PLD5: variants seen among roughly 807,000 people sequenced by gnomAD.
PLD5 encodes phospholipase D family member 5, also known as inactive phospholipase D5.
PLD5 carries 36 observed loss-of-function variants against 61.1 expected under a neutral mutation model. The observed-to-expected ratio is 0.59, with a 90% confidence interval of 0.45 to 0.78. The LOEUF is 0.78. PLD5 is among the 30% of genes least tolerant of loss of function. The pLI, the probability that PLD5 is intolerant of heterozygous loss-of-function variation, is 0.00. For missense variants in PLD5, 515 were observed against 644.4 expected (o/e 0.80, Z 2.17); for synonymous variants, 243 against 242.8 (o/e 1.00, Z -0.01).
intron 4 of PLD5, among the ~76,000 whole-genome samples, chr1:242,237,832 G>A (rs949180723): frequency 1.3e-5 from 2 of 152,118 alleles, no homozygotes; most frequent in African/African-American, 4.8e-5. Context: ...CGTTAAATTT[G>A]AATTTCAGAT....
chr1:242,169,568 C>T (rs770543114), intron 5 of PLD5, among the ~76,000 whole-genome samples: 34 of 152,166 alleles, frequency 2.2e-4, no homozygotes, highest in Non-Finnish European at 4.4e-4. Flanking sequence ...CCTGGAATGC[C>T]AGCGAGACAG....
chr1:242,144,198 T>G (rs947942652), intron 5 of PLD5, among the ~76,000 whole-genome samples: 3 of 122,384 alleles, frequency 2.5e-5, no homozygotes, highest in Non-Finnish European at 5.5e-5. Context: ...AAAATATTAT[T>G]AAACAAACCA....
At chr1:242,154,507 G>A (rs1665192907) in intron 5 of PLD5, among the ~76,000 whole-genome samples, 1 of 152,098 alleles carries the variant, frequency 6.6e-6, no homozygotes, top group Non-Finnish European at 1.5e-5. Context: ...ATTATTTTGA[G>A]ATACTTTCCG....
chr1:242,175,656 A>G (rs570897003), intron 5 of PLD5, among the ~76,000 whole-genome samples: 1 of 152,306 alleles, frequency 6.6e-6, no homozygotes, highest in East Asian at 1.9e-4. Flanking sequence ...AGGAAATCAA[A>G]TTGTCTCTGT....
Position 242,231,340 on chromosome 1 carries a change from G to A in PLD5, c.608-11225C>T, listed in dbSNP as rs116071204. Among the ~76,000 whole-genome samples the A allele has an allele frequency of 7.7e-3, 1,171 of 152,276 alleles. 23 individuals carry two copies. Among genetic ancestry groups the A allele is most frequent in the African/African-American group, 0.026 (1,082 of 41,520 alleles). ...CATCCGTTTTGGTGCCAGTGCTCACGGAGAGAAGGCAGCCTCTTAGAGCCC... is the reference window on the plus strand; with the variant it reads ...CATCCGTTTTGGTGCCAGTGCTCACAGAGAGAAGGCAGCCTCTTAGAGCCC... On this transcript the variant is annotated intron_variant, in intron 4 of 9. Transcript: ENST00000536534.
At chr1:242,393,153 G>A (rs1663033101) in intron 1 of PLD5, among the ~76,000 whole-genome samples, 1 of 150,284 alleles carries the variant, frequency 6.7e-6, no homozygotes, top group African/African-American at 2.5e-5. Flanking sequence ...GCAGTGAGCT[G>A]AGATCACGCC....
Position 242,089,066 on chromosome 1 carries a change from A to C in PLD5, c.*788T>G. ...TTTCTGAGCTTGAGAGAAAGGATACATATTGCTGACTGTGATTTTTTTTAA... is the reference window on the plus strand; with the variant it reads ...TTTCTGAGCTTGAGAGAAAGGATACCTATTGCTGACTGTGATTTTTTTTAA... On this transcript the variant is annotated 3_prime_UTR_variant, in exon 10 of 10. Transcript: ENST00000536534. 2.8e-6 allele frequency: 1 copy of C among 356,354 alleles called. No individual in the cohort carries two copies. The highest frequency in any genetic ancestry group is 5.0e-6 in the Non-Finnish European group (1 of 200,026). 22.1% of individuals were successfully genotyped at this position (356,354 alleles called of 1,614,324 possible). A position where few individuals can be genotyped will look rare whatever the true frequency, so the allele number is the denominator to read the frequency against.
chr1:242,260,505 C>A (rs1673321196), intron 4 of PLD5, among the ~76,000 whole-genome samples: 1 of 152,116 alleles, frequency 6.6e-6, no homozygotes, highest in African/African-American at 2.4e-5. Flanking sequence ...CGATTAAGAT[C>A]ATGTATCAGA....
intron 5 of PLD5, among the ~76,000 whole-genome samples, chr1:242,183,855 A>C (rs1667692505): frequency 6.6e-6 from 1 of 152,222 alleles, no homozygotes; most frequent in African/African-American, 2.4e-5. Context: ...AGATCGCGCC[A>C]CTGCACTCCA....
At chr1:242,368,639 T>C (rs546727866) in intron 1 of PLD5, among the ~76,000 whole-genome samples, 1 of 152,304 alleles carries the variant, frequency 6.6e-6, no homozygotes, top group East Asian at 1.9e-4. Flanking sequence ...TCTTTTATTA[T>C]GCAGGTGGGT....
At chr1:242,254,274 C>T (rs1285371096) in intron 4 of PLD5, among the ~76,000 whole-genome samples, 1 of 150,690 alleles carries the variant, frequency 6.6e-6, no homozygotes, top group Non-Finnish European at 1.5e-5. Context: ...GGCACCTGCA[C>T]CAGACACTTT....
intron 1 of PLD5, among the ~76,000 whole-genome samples, chr1:242,501,587 C>A (rs576034681): frequency 6.5e-4 from 99 of 152,202 alleles, no homozygotes; most frequent in Admixed American, 2.9e-3. Context: ...AAAACTAAAC[C>A]TATTTACATT....
intron 5 of PLD5, among the ~76,000 whole-genome samples, chr1:242,199,342 C>T (rs1345885391): frequency 2.0e-5 from 3 of 152,050 alleles, no homozygotes; most frequent in African/African-American, 7.2e-5. Context: ...GCAATCTCTG[C>T]CTCCCAGGTT....
chr1:242,212,634 A>G (rs905269540), intron 5 of PLD5, among the ~76,000 whole-genome samples: 50 of 152,190 alleles, frequency 3.3e-4, no homozygotes, highest in African/African-American at 1.1e-3. Flanking sequence ...AAGGAGCAGT[A>G]CAGAAAGAAG....
At chr1:242,242,598 A>T (rs1177002843) in intron 4 of PLD5, among the ~76,000 whole-genome samples, 1 of 152,188 alleles carries the variant, frequency 6.6e-6, no homozygotes, top group Non-Finnish European at 1.5e-5. Context: ...CCACCCATTA[A>T]TCACGGATCG....
chr1:242,442,307 A>G (rs1010558491), intron 1 of PLD5, among the ~76,000 whole-genome samples: 1 of 152,212 alleles, frequency 6.6e-6, no homozygotes, highest in Non-Finnish European at 1.5e-5. Flanking sequence ...AAAACAACTG[A>G]GAAGTTCTAA....
At chr1:242,131,211 C>T (rs1251298875) in intron 5 of PLD5, among the ~76,000 whole-genome samples, 1 of 152,096 alleles carries the variant, frequency 6.6e-6, no homozygotes, top group East Asian at 1.9e-4. Context: ...GAGGCTGAGG[C>T]AGGAGAATTG....
At chr1:242,316,428 T>C (rs1468893224) in intron 2 of PLD5, among the ~76,000 whole-genome samples, 1 of 152,146 alleles carries the variant, frequency 6.6e-6, no homozygotes, top group Non-Finnish European at 1.5e-5. Context: ...CGGTTGAGGC[T>C]GGAAGAACAG....
chr1:242,494,731 C>T (rs1009596473), intron 1 of PLD5, among the ~76,000 whole-genome samples: 9 of 152,154 alleles, frequency 5.9e-5, no homozygotes, highest in African/African-American at 2.2e-4. Flanking sequence ...TGAAAAAGAA[C>T]TTCACCCTAT....
Sources: gnomAD v4.1 joint callset for allele counts (sites outside exome capture counted in the v4.1 genomes callset) on GRCh38, gnomAD v4.1.1 for gene constraint, MANE v1.5 for transcripts, NCBI Gene and HGNC (gene_info 2026-07-23, HGNC 2026-07-21) for gene names.